Variants in CCDC188 observed in about 807,000 individuals in gnomAD.
CCDC188 encodes coiled-coil domain-containing protein 188.
A neutral mutation model predicts 50.7 loss-of-function variants in CCDC188; 37 were observed. The observed-to-expected ratio is 0.73, with a 90% CI of 0.56 to 0.96. The LOEUF is 0.96. CCDC188 is among the 40% of genes least tolerant of loss of function. The pLI, the probability that CCDC188 is intolerant of heterozygous loss-of-function variation, is 0.00. For synonymous variants in CCDC188, 208 were observed against 228.0 expected (o/e 0.91, Z 0.79); for missense variants, 453 against 512.9 (o/e 0.88, Z 1.13).
Position 20,148,600 on chromosome 22 carries a change from G to T in CCDC188, c.*14C>A, listed in dbSNP as rs924121122. Reference sequence around the variant, plus strand: ...GTCGCCTGGCCTCCTTGCTGGGGCCGCTGGGCCTCTGGCCTAGAAGGGCAG... The same window carrying T: ...GTCGCCTGGCCTCCTTGCTGGGGCCTCTGGGCCTCTGGCCTAGAAGGGCAG... On this transcript the variant is annotated 3_prime_UTR_variant, in exon 9 of 9. Transcript: ENST00000439765. 5.2e-6 allele frequency: 8 copies of T among 1,529,856 alleles called. No homozygotes were observed. The highest frequency in any genetic ancestry group is 7.0e-6 in the Non-Finnish European group (8 of 1,138,584). The allele number at this position is 1,529,856 out of a possible 1,614,324, so 94.8% of individuals were successfully genotyped here.
At position 20,150,714 on chromosome 22, in the gene CCDC188, C is replaced by T. The variant is rs2050611401; in HGVS notation, c.273G>A (p.Gly91=). The T allele has an allele frequency of 6.5e-7, 1 of 1,550,048 alleles. No homozygotes were observed. Among genetic ancestry groups the T allele is most frequent in the Non-Finnish European group, 8.7e-7 (1 of 1,146,790 alleles). Reference sequence around the variant, plus strand: ...CTGCCTCCAGGTCTCCTTGTCTCGGCCCCTCAGTGTCTCTCGCTCTCTGCT... The same window carrying T: ...CTGCCTCCAGGTCTCCTTGTCTCGGTCCCTCAGTGTCTCTCGCTCTCTGCT... ...SQEQRARDTE[G]PRQGDLEAGL... is the part of the protein sequence containing the mutation. Residue 91 remains glycine, a synonymous_variant, in exon 1 of 9, where the codon GGG becomes GGA. Coordinates refer to ENST00000439765, the MANE Select transcript of CCDC188 (RefSeq NM_001365892.2).
Position 20,148,647 on chromosome 22 carries a change from C to T in CCDC188, c.1176G>A (p.Leu392=). ...GCAGGAAGCCGTCCACTTTGAGGCG[C>T]AGGAAGGGGTCCAGCAGGGCCCGGA... is the stretch of plus-strand genomic sequence containing the variant. The part of the protein sequence containing the change: ...WKLRALLDPF[L]RLKVDGFLPF The change falls in exon 9 of 9, where the codon CTG becomes CTA. Residue 392 remains leucine, a synonymous_variant. Transcript: ENST00000439765. 5.8e-6 allele frequency: 9 copies of T among 1,547,496 alleles called. No individual in the cohort carries two copies. The highest frequency in any genetic ancestry group is 7.9e-6 in the Non-Finnish European group (9 of 1,145,888).
In CCDC188 at chr22:20,149,705, C is replaced by T; in HGVS notation, c.789+19G>A. ...CTGGGTGGGCCCCCAGCACCCCTCC[C>T]CCTCAGCCAGGCGGGCACCTCTGTG... On this transcript the variant is annotated intron_variant, in intron 4 of 8. Coordinates refer to ENST00000439765, the MANE Select transcript of CCDC188 (RefSeq NM_001365892.2). 1.9e-6 allele frequency: 3 copies of T among 1,540,166 alleles called. No individual in the cohort carries two copies. The highest frequency in any genetic ancestry group is 2.6e-6 in the Non-Finnish European group (3 of 1,140,696).
intron 3 of CCDC188, 81 bp from the exon 4 acceptor site, chr22:20,149,861 C>T: frequency 6.7e-7 from 1 of 1,485,246 alleles, no homozygotes; most frequent in Non-Finnish European, 9.0e-7. Context: ...TGGCCTACTG[C>T]ACGAAGACCT....
chr22:20,150,735 C>T lies in CCDC188; in HGVS notation c.252G>A (p.Gln84=), dbSNP rs369878186. 6.5e-7 allele frequency: 1 copy of T among 1,550,254 alleles called. No individual in the cohort carries two copies. Among genetic ancestry groups the T allele is most frequent in the Non-Finnish European group, 8.7e-7 (1 of 1,146,834 alleles). The change falls in exon 1 of 9, where the codon CAG becomes CAA. Residue 84 remains glutamine (Q), a synonymous_variant. Transcript: ENST00000439765. ...TCGGCCCCTCAGTGTCTCTCGCTCT[C>T]TGCTCCTGGCTGGACAGAAAGAGCC... ...APGLFLSSQE[Q]RARDTEGPRQ...
At position 20,149,193 on chromosome 22, in the gene CCDC188, G is replaced by C. The variant is rs2050571258; in HGVS notation, c.966C>G (p.Ser322Arg). 5 of 1,468,680 alleles carry C rather than the reference G, an allele frequency of 3.4e-6. No homozygotes were observed. Among genetic ancestry groups the C allele is most frequent in the Non-Finnish European group, 4.5e-6 (5 of 1,106,576 alleles). 91.0% of individuals were successfully genotyped at this position (1,468,680 alleles called of 1,614,324 possible). The change falls in exon 7 of 9, where the codon AGC becomes AGG. Residue 322 changes from serine (S) to arginine (R), a missense_variant. Ser to Arg is a moderately radical substitution (Grantham distance 110, BLOSUM62 -1). Coordinates refer to ENST00000439765, the MANE Select transcript of CCDC188 (RefSeq NM_001365892.2). ...TRARKEKQMASMSKGRPKLGS... is the reference protein window; with the variant it reads ...TRARKEKQMARMSKGRPKLGS... ...TGGGGCGTGGGGGGCTCACCGACAT[G>C]CTTGCCATCTGCTTCTCCTTCCTGG...
chr22:20,150,298 G>A (rs1424913685), intron 1 of CCDC188, 48 bp from the exon 2 acceptor site: 2 of 1,356,534 alleles, frequency 1.5e-6, no homozygotes, highest in Admixed American at 2.2e-5. Flanking sequence ...GGCCGCTCCT[G>A]CGGCTGGGGC....
At chr22:20,148,969 C>A in intron 7 of CCDC188, 45 bp from the exon 8 acceptor site, 2 of 1,449,260 alleles carry the variant, frequency 1.4e-6, no homozygotes, top group Non-Finnish European at 1.8e-6. Flanking sequence ...AGTGTCCAGG[C>A]TGAGGGCAGG....
At position 20,149,932 on chromosome 22, in the gene CCDC188, C is replaced by A. The variant is rs920975323; in HGVS notation, c.732+23G>T. On this transcript the variant is annotated intron_variant, in intron 3 of 8. Transcript: ENST00000439765. ...GCTGTTACGAAGCTTCCTCCCCCCC[C>A]ACAGCCCCTCCCCCAGGCCCACCTG... 1.2e-5 allele frequency: 19 copies of A among 1,523,638 alleles called. No individual in the cohort carries two copies. The South Asian group carries it at 1.5e-4, about 12-fold the overall frequency. 94.4% of individuals were successfully genotyped at this position (1,523,638 alleles called of 1,614,324 possible). A position where few individuals can be genotyped will look rare whatever the true frequency, so the allele number is the denominator to read the frequency against.
Position 20,150,077 on chromosome 22 carries a change from G to A in CCDC188, c.628-18C>T. ...TCGGGGGGCTGTGGGAGAGCCCCCAGATCAGCCCTAAGACTGCGGGCTAGA... is the reference window on the plus strand; with the variant it reads ...TCGGGGGGCTGTGGGAGAGCCCCCAAATCAGCCCTAAGACTGCGGGCTAGA... On this transcript the variant is annotated intron_variant, in intron 2 of 8. Transcript: ENST00000439765. The A allele has an allele frequency of 6.5e-7, 1 of 1,546,356 alleles. No homozygotes were observed. Among genetic ancestry groups the A allele is most frequent in the Non-Finnish European group, 8.7e-7 (1 of 1,144,958 alleles).
rs1253704413 is a variant in CCDC188, at chr22:20,149,688, G to A, written c.789+36C>T. 3 of 1,543,296 alleles carry A rather than the reference G, an allele frequency of 1.9e-6. No homozygotes were observed. In the East Asian group the frequency reaches 7.4e-5, roughly 38 times the overall value. On this transcript the variant is annotated intron_variant, in intron 4 of 8. Coordinates refer to ENST00000439765, the MANE Select transcript of CCDC188 (RefSeq NM_001365892.2). ...CTGAGGAGCAGGACCCACTGGGTGGGCCCCCAGCACCCCTCCCCCTCAGCC... is the reference window on the plus strand; with the variant it reads ...CTGAGGAGCAGGACCCACTGGGTGGACCCCCAGCACCCCTCCCCCTCAGCC...
rs2050606365 is a variant in CCDC188 at position 20,150,488 on chromosome 22, C to T, written c.499G>A (p.Glu167Lys). Residue 167 changes from glutamate (E) to lysine (K), a missense_variant, in exon 1 of 9, where the codon GAG (glutamate) becomes AAG (lysine). Glu to Lys is a moderately conservative substitution (Grantham distance 56, BLOSUM62 1). Transcript: ENST00000439765. ...CTCACCAGGCTGTGGTTCTCCTGCT[C>T]CAGCTGCAGGAAGGACTGTTCTGCA... ...GSAEQSFLQLEQENHSLKRQN... is the reference protein window; with the variant it reads ...GSAEQSFLQLKQENHSLKRQN... The T allele has an allele frequency of 2.6e-6, 4 of 1,544,984 alleles. No individual in the cohort carries two copies. Among genetic ancestry groups the T allele is most frequent in the Non-Finnish European group, 3.5e-6 (4 of 1,146,494 alleles).
At position 20,149,766 on chromosome 22, in the gene CCDC188, C is replaced by T; in HGVS notation, c.747G>A (p.Gln249=). ...FVQQSQNELQ[Q]IRLCFERKKM... is the part of the protein sequence containing the mutation. Reference sequence around the variant, plus strand: ...TCTTCCTCTCAAAGCACAGGCGGATCTGCTGCAGCTCGTTCTGAGGGTGGG... The same window carrying T: ...TCTTCCTCTCAAAGCACAGGCGGATTTGCTGCAGCTCGTTCTGAGGGTGGG... The change falls in exon 4 of 9, where the codon CAG becomes CAA. Residue 249 remains glutamine, a synonymous_variant. Transcript: ENST00000439765. The T allele has an allele frequency of 1.3e-6, 2 of 1,517,500 alleles. No homozygotes were observed. The highest frequency in any genetic ancestry group is 1.8e-6 in the Non-Finnish European group (2 of 1,128,462). 94.0% of individuals were successfully genotyped at this position (1,517,500 alleles called of 1,614,324 possible). A position where few individuals can be genotyped will look rare whatever the true frequency, so the allele number is the denominator to read the frequency against.
chr22:20,149,330 G>A, intron 6 of CCDC188, 82 bp downstream of exon 6: 7 of 1,546,378 alleles, frequency 4.5e-6, no homozygotes, highest in Non-Finnish European at 6.1e-6. Context: ...GAGGTGGGGG[G>A]TCAAGGATGG....
chr22:20,150,375 C>T (rs1602585812), intron 1 of CCDC188, 93 bp downstream of exon 1: 12 of 1,018,660 alleles, frequency 1.2e-5, no homozygotes, highest in Admixed American at 8.5e-5. Context: ...GGGGCAGGGG[C>T]GCCAGGTGGT....
intron 7 of CCDC188, 106 bp downstream of exon 7, chr22:20,149,081 C>T (rs1467266642): frequency 8.7e-5 from 111 of 1,272,708 alleles, no homozygotes; most frequent in Non-Finnish European, 1.1e-4. Flanking sequence ...TCCGATGCCC[C>T]CTGCCCTGGA....
In CCDC188 at chr22:20,150,728, T is replaced by C; in HGVS notation, c.259A>G (p.Arg87Gly). 6.5e-7 allele frequency: 1 copy of C among 1,550,190 alleles called. No homozygotes were observed. Among genetic ancestry groups the C allele is most frequent in the Non-Finnish European group, 8.7e-7 (1 of 1,146,822 alleles). Residue 87 changes from arginine to glycine, a missense_variant, in exon 1 of 9, where the codon AGA becomes GGA. Arg to Gly is a moderately radical substitution (Grantham distance 125). Transcript: ENST00000439765. ...LFLSSQEQRA[R>G]DTEGPRQGDL... ...CCTTGTCTCGGCCCCTCAGTGTCTC[T>C]CGCTCTCTGCTCCTGGCTGGACAGA...
chr22:20,150,932 G>A lies in CCDC188; in HGVS notation c.55C>T (p.Pro19Ser). Residue 19 changes from proline to serine, a missense_variant, in exon 1 of 9, where the codon CCA becomes TCA. Coordinates refer to ENST00000439765, the MANE Select transcript of CCDC188 (RefSeq NM_001365892.2). ...PCGHPHPQCP[P>S]TPASSSHGGG... ...CCATGGCTGCTGGAGGCTGGGGTTGGGGGACACTGGGGGTGGGGGTGGCCG... is the reference window on the plus strand; with the variant it reads ...CCATGGCTGCTGGAGGCTGGGGTTGAGGGACACTGGGGGTGGGGGTGGCCG... 2 of 1,421,764 alleles carry A rather than the reference G, an allele frequency of 1.4e-6. No individual in the cohort carries two copies. The highest frequency in any genetic ancestry group is 1.9e-6 in the Non-Finnish European group (2 of 1,080,474). 88.1% of individuals were successfully genotyped at this position (1,421,764 alleles called of 1,614,324 possible).
Position 20,150,643 on chromosome 22 carries a change from GC to G in CCDC188, c.343del (p.Ala115LeufsTer32), listed in dbSNP as rs1394935511. ...WPLHPGSNQGAPRQGGSIGSG... is the reference protein window; with the variant it reads ...WPLHPGSNQGXPRQGGSIGSG... ...GCCAATGGATCCCCCCTGCCTGGGA[GC>G]CCCCTGGTTCGACCCTGGGTGCAGG... On this transcript the variant is annotated frameshift_variant, in exon 1 of 9. Transcript: ENST00000439765. LOFTEE classifies it high-confidence loss of function. 6.5e-7 allele frequency: 1 copy of G among 1,543,704 alleles called. No homozygotes were observed. The highest frequency in any genetic ancestry group is 1.4e-5 in the African/African-American group (1 of 72,888).
Sources: gnomAD v4.1 joint callset for allele counts on GRCh38, gnomAD v4.1.1 for gene constraint, MANE v1.5 for transcripts, NCBI Gene and HGNC (gene_info 2026-07-23, HGNC 2026-07-21) for gene names.